The following ATL2 variants were observed in gnomAD, a reference collection of about 807,000 sequenced individuals.
The protein encoded by ATL2 is atlastin-2.
A neutral mutation model predicts 73.9 loss-of-function variants in ATL2; 31 were observed. The observed-to-expected ratio is 0.42, with a 90% CI of 0.32 to 0.57. The LOEUF is 0.57. ATL2 is among the 20% of genes least tolerant of loss of function. The probability of loss-of-function intolerance (pLI) is 0.14; values close to 1 mark genes in which losing one functional copy is unlikely to be tolerated. For missense variants in ATL2, 738 were observed against 702.6 expected (o/e 1.05, Z -0.57); for synonymous variants, 291 against 237.5 (o/e 1.23, Z -2.07).
intron 2 of ATL2, among the ~76,000 whole-genome samples, chr2:38,330,886 T>C (rs1048206851): frequency 6.6e-5 from 10 of 152,210 alleles, no homozygotes; most frequent in Non-Finnish European, 1.2e-4. Flanking sequence ...CTAAAATTCA[T>C]ATGGGATTGC....
chr2:38,322,258 C>T (rs901551425), intron 2 of ATL2, among the ~76,000 whole-genome samples: 2 of 151,772 alleles, frequency 1.3e-5, no homozygotes, highest in Non-Finnish European at 2.9e-5. Flanking sequence ...ACAAATAATT[C>T]CTCTAAGAGA....
At chr2:38,359,791 T>C (rs1670898056) in intron 1 of ATL2, among the ~76,000 whole-genome samples, 1 of 152,064 alleles carries the variant, frequency 6.6e-6, no homozygotes, top group Non-Finnish European at 1.5e-5. Flanking sequence ...TATTACCCAG[T>C]TCTTAAAAGC....
intron 12 of ATL2, among the ~76,000 whole-genome samples, chr2:38,297,577 G>A (rs143230035): frequency 1.3e-5 from 2 of 152,280 alleles, no homozygotes; most frequent in East Asian, 3.9e-4. Flanking sequence ...ATGGTTCTCT[G>A]TTCATGGCGC....
Position 38,298,751 on chromosome 2 carries a change from C to A in ATL2, c.1201-176G>T, listed in dbSNP as rs2148400634. Among the ~76,000 whole-genome samples the A allele has an allele frequency of 2.0e-5, 3 of 152,220 alleles. No individual in the cohort carries two copies. The East Asian group carries it at 5.8e-4, about 29-fold the overall frequency. On this transcript the variant is annotated intron_variant, in intron 11 of 12. Coordinates refer to ENST00000378954, the MANE Select transcript of ATL2 (RefSeq NM_001135673.4). ...TCTAGTTATTGTTTATATGTTGAACCTACTCAAGCAAAATCATTTTCCAAA... is the reference window on the plus strand; with the variant it reads ...TCTAGTTATTGTTTATATGTTGAACATACTCAAGCAAAATCATTTTCCAAA...
At chr2:38,357,452 A>G (rs1386110747) in intron 1 of ATL2, among the ~76,000 whole-genome samples, 1 of 151,724 alleles carries the variant, frequency 6.6e-6, no homozygotes, top group East Asian at 1.9e-4. Context: ...GATTAAGGAA[A>G]AAAAAAAAAG....
upstream of ATL2, chr2:38,377,295 T>A (rs756439441): frequency 2.1e-5 from 32 of 1,494,524 alleles, no homozygotes; most frequent in Non-Finnish European, 2.5e-5. Flanking sequence ...CCCACTGACG[T>A]CAAACGCCGC....
intron 2 of ATL2, among the ~76,000 whole-genome samples, chr2:38,323,275 T>C (rs756563236): frequency 3.5e-5 from 5 of 141,026 alleles, no homozygotes; most frequent in South Asian, 2.3e-4. Flanking sequence ...ACCAGACATA[T>C]AAAGTAAATA....
chr2:38,332,624 G>GT (rs2148464192), intron 2 of ATL2, among the ~76,000 whole-genome samples: 1 of 152,236 alleles, frequency 6.6e-6, no homozygotes, highest in South Asian at 2.1e-4. Flanking sequence ...TTATATCTCA[G>GT]TAACACTGTT....
At chr2:38,352,572 GGAC>G (rs1177771022) in intron 1 of ATL2, among the ~76,000 whole-genome samples, 1 of 152,164 alleles carries the variant, frequency 6.6e-6, no homozygotes, top group Non-Finnish European at 1.5e-5. Flanking sequence ...CCTTGGACAA[GGAC>G]AACAAGCATC....
intron 1 of ATL2, among the ~76,000 whole-genome samples, chr2:38,348,168 T>C (rs1022054222): frequency 2.2e-4 from 34 of 152,128 alleles, no homozygotes; most frequent in South Asian, 1.7e-3. Context: ...AAAAATTCCA[T>C]AAAAATTATG....
chr2:38,337,522 G>A (rs1369773221), intron 2 of ATL2, among the ~76,000 whole-genome samples: 2 of 102,222 alleles, frequency 2.0e-5, no homozygotes, highest in African/African-American at 6.7e-5. Flanking sequence ...AAAAAAGGCA[G>A]TTGAGGCAAC....
intron 1 of ATL2, among the ~76,000 whole-genome samples, chr2:38,353,589 G>C (rs1265388711): frequency 6.6e-6 from 1 of 152,140 alleles, no homozygotes; most frequent in Non-Finnish European, 1.5e-5. Context: ...GGTCCAAAAA[G>C]CTCAGCAAAC....
intron 2 of ATL2, among the ~76,000 whole-genome samples, chr2:38,331,033 T>C (rs943827276): frequency 2.6e-5 from 4 of 152,186 alleles, no homozygotes; most frequent in Non-Finnish European, 5.9e-5. Flanking sequence ...CCGGGCGTGG[T>C]GGCTCACGCC....
intron 9 of ATL2, among the ~76,000 whole-genome samples, chr2:38,304,687 T>A (rs541780336): frequency 5.3e-4 from 81 of 152,354 alleles, no homozygotes; most frequent in African/African-American, 1.9e-3. Flanking sequence ...ATTAGTTTTC[T>A]CTTTCCTTGT....
intron 2 of ATL2, among the ~76,000 whole-genome samples, chr2:38,330,508 G>A (rs949448069): frequency 7.9e-5 from 12 of 152,040 alleles, no homozygotes; most frequent in East Asian, 1.9e-4. Context: ...TAGAAAACTC[G>A]AAGGAATCCG....
chr2:38,306,151 G>GT (rs1052981693), intron 9 of ATL2, among the ~76,000 whole-genome samples: 1 of 152,124 alleles, frequency 6.6e-6, no homozygotes, highest in Non-Finnish European at 1.5e-5. Context: ...TAGAAGAAAT[G>GT]TATCAATTCC....
chr2:38,368,142 G>A (rs539169856), intron 1 of ATL2, among the ~76,000 whole-genome samples: 1 of 151,044 alleles, frequency 6.6e-6, no homozygotes, highest in Non-Finnish European at 1.5e-5. Context: ...CACTGTGTTA[G>A]CCAGGATGGC....
At chr2:38,299,000 C>G (rs567159570) in intron 11 of ATL2, among the ~76,000 whole-genome samples, 15 of 152,274 alleles carry the variant, frequency 9.9e-5, no homozygotes, top group South Asian at 2.1e-4. Flanking sequence ...AATAACAGCA[C>G]TCTGAATCAC....
intron 1 of ATL2, among the ~76,000 whole-genome samples, chr2:38,374,616 C>T (rs1036409545): frequency 2.6e-5 from 4 of 152,186 alleles, no homozygotes; most frequent in African/African-American, 7.2e-5. Flanking sequence ...TTGTGTGTGT[C>T]AAACAGGTCT....
Sources: gnomAD v4.1 joint callset for allele counts (sites outside exome capture counted in the v4.1 genomes callset) on GRCh38, gnomAD v4.1.1 for gene constraint, MANE v1.5 for transcripts, NCBI Gene and HGNC (gene_info 2026-07-23, HGNC 2026-07-21) for gene names.